Variants in CDYL observed in about 807,000 individuals in gnomAD.
CDYL encodes the protein chromodomain Y like.
CDYL carries 8 observed loss-of-function variants against 47.3 expected under a neutral mutation model. The ratio of observed to expected loss-of-function variants is 0.17; its 90% CI spans 0.10 to 0.31. CDYL has a LOEUF of 0.31. Ranked by LOEUF, CDYL falls within the 10% of genes least tolerant of loss-of-function variation. The probability of loss-of-function intolerance (pLI) is 1.00; values close to 1 mark genes in which losing one functional copy is unlikely to be tolerated. For missense variants in CDYL, 471 were observed against 701.4 expected (o/e 0.67, Z 3.71); for synonymous variants, 266 against 265.0 (o/e 1.00, Z -0.04).
intron 1 of CDYL, among the ~76,000 whole-genome samples, chr6:4,886,238 C>T (rs1761896293): frequency 6.6e-6 from 1 of 152,150 alleles, no homozygotes; most frequent in Admixed American, 6.5e-5. Context: ...GACAGGTTTT[C>T]TTTCTGTTGG....
intron 1 of CDYL, among the ~76,000 whole-genome samples, chr6:4,831,184 T>C (rs529091278): frequency 1.3e-5 from 2 of 152,170 alleles, no homozygotes; most frequent in African/African-American, 4.8e-5. Flanking sequence ...AATGCCTAGG[T>C]TTTCTTCTAG....
intron 5 of CDYL, among the ~76,000 whole-genome samples, chr6:4,945,315 C>T (rs1360996293): frequency 6.6e-6 from 1 of 152,132 alleles, no homozygotes; most frequent in Non-Finnish European, 1.5e-5. Context: ...TGCATCTAAA[C>T]GTACTTGAAA....
chr6:4,833,625 C>T (rs1760210599), intron 1 of CDYL, among the ~76,000 whole-genome samples: 2 of 149,760 alleles, frequency 1.3e-5, no homozygotes, highest in South Asian at 4.2e-4. Context: ...TCCTGGGTAT[C>T]CTTGTTGACT....
chr6:4,806,791 T>G (rs1216384554), intron 1 of CDYL, among the ~76,000 whole-genome samples: 1 of 152,216 alleles, frequency 6.6e-6, no homozygotes, highest in Non-Finnish European at 1.5e-5. Flanking sequence ...TCTGTCAGGT[T>G]AGTACATTTT....
At chr6:4,724,311 A>C (rs1012179818) in intron 2 of CDYL, 4 of 151,836 alleles carry the variant, frequency 2.6e-5, no homozygotes, top group African/African-American at 9.7e-5. Context: ...TTGGCCTCCC[A>C]ACGTGATGGG....
chr6:4,905,309 C>A (rs925108063), intron 2 of CDYL, among the ~76,000 whole-genome samples: 1 of 152,174 alleles, frequency 6.6e-6, no homozygotes, highest in African/African-American at 2.4e-5. Flanking sequence ...TGGTCTTTGA[C>A]ACTCCGTCAA....
chr6:4,825,148 G>T (rs1759945651), intron 1 of CDYL, among the ~76,000 whole-genome samples: 1 of 152,180 alleles, frequency 6.6e-6, no homozygotes, highest in African/African-American at 2.4e-5. Flanking sequence ...TGGGATTTCA[G>T]GCATGAATCA....
chr6:4,843,473 C>T (rs901838806), intron 1 of CDYL, among the ~76,000 whole-genome samples: 3 of 149,720 alleles, frequency 2.0e-5, no homozygotes, highest in African/African-American at 7.3e-5. Context: ...TAGGATTGGC[C>T]ATTTAACATA....
chr6:4,891,705 A>G lies in CDYL; in HGVS notation c.25-8A>G. On this transcript the variant is annotated splice_polypyrimidine_tract_variant and splice_region_variant and intron_variant, in intron 1 of 6. Coordinates refer to ENST00000397588, the MANE Select transcript of CDYL (RefSeq NM_004824.4). ...TTTTTAAAACTATTTTTTTCCTTTTATGAACAGGTTGAAAGGATTGTTGAC... is the reference window on the plus strand; with the variant it reads ...TTTTTAAAACTATTTTTTTCCTTTTGTGAACAGGTTGAAAGGATTGTTGAC... 4 of 1,586,982 alleles carry G rather than the reference A, an allele frequency of 2.5e-6. No individual in the cohort carries two copies. The highest frequency in any genetic ancestry group is 3.4e-6 in the Non-Finnish European group (4 of 1,168,016).
At chr6:4,882,914 A>T (rs948276867) in intron 1 of CDYL, among the ~76,000 whole-genome samples, 2 of 152,172 alleles carry the variant, frequency 1.3e-5, no homozygotes, top group African/African-American at 4.8e-5. Context: ...GTTGACGTAC[A>T]TTCTTGCCGT....
chr6:4,762,154 T>C (rs1758184705), intron 3 of CDYL, among the ~76,000 whole-genome samples: 3 of 152,204 alleles, frequency 2.0e-5, no homozygotes, highest in Admixed American at 2.0e-4. Flanking sequence ...GTGGATGAAC[T>C]CTTCTCACAC....
In CDYL at chr6:4,895,317, G is replaced by A. The variant is rs200228543; in HGVS notation, c.691+2938G>A. On this transcript the variant is annotated intron_variant, in intron 2 of 6. Coordinates refer to ENST00000397588, the MANE Select transcript of CDYL (RefSeq NM_004824.4). ...CATGTATGTATATATGTGCATATATGCATGTATGTATATATGTGCATATAT... is the reference window on the plus strand; with the variant it reads ...CATGTATGTATATATGTGCATATATACATGTATGTATATATGTGCATATAT... 8.2e-4 allele frequency among the ~76,000 whole-genome samples: 97 copies of A among 117,594 alleles called. 7 individuals are homozygous for A. The highest frequency in any genetic ancestry group is 4.2e-3 in the African/African-American group (96 of 22,816). 77.1% of individuals were successfully genotyped at this position (117,594 alleles called of 152,430 possible).
In CDYL at chr6:4,752,924, AT is replaced by A. The variant is rs546399830; in HGVS notation, c.186+18091del. Among the ~76,000 whole-genome samples, 1,049 of 147,374 alleles carry A rather than the reference AT, an allele frequency of 7.1e-3. 15 individuals carry two copies. The highest frequency in any genetic ancestry group is 0.025 in the African/African-American group (997 of 39,762). ...TGTAGGTAGGTAGATAGATAGATAG[AT>A]TTTTTTTTTTAAGACAGCATCTCAC... On this transcript the variant is annotated intron_variant, in intron 3 of 8. Coordinates refer to the CDYL transcript ENST00000328908.
intron 1 of CDYL, among the ~76,000 whole-genome samples, chr6:4,811,566 A>T (rs1262103564): frequency 1.3e-5 from 2 of 151,992 alleles, no homozygotes; most frequent in East Asian, 3.8e-4. Context: ...ATGGGTTTTT[A>T]AAAACTAGCT....
At chr6:4,952,166 T>C in intron 5 of CDYL, 100 bp from the exon 6 acceptor site, 1 of 1,378,778 alleles carries the variant, frequency 7.3e-7, no homozygotes, top group Non-Finnish European at 9.8e-7. Context: ...GCGGGGCTGG[T>C]ATTTGTGAAT....
chr6:4,790,326 A>T (rs959470005), intron 1 of CDYL, among the ~76,000 whole-genome samples: 5 of 152,244 alleles, frequency 3.3e-5, no homozygotes, highest in Non-Finnish European at 5.9e-5. Context: ...GACCTTTTGC[A>T]TGCTGTATAA....
At chr6:4,862,362 A>G (rs1254817283) in intron 1 of CDYL, among the ~76,000 whole-genome samples, 2 of 152,170 alleles carry the variant, frequency 1.3e-5, no homozygotes, top group South Asian at 2.1e-4. Context: ...TTAAGCCTAT[A>G]AAGTAGGCTT....
rs201939159 is a variant in CDYL at position 4,778,400 on chromosome 6, G to A, written c.24+1593G>A. Among the ~76,000 whole-genome samples the A allele has an allele frequency of 1.6e-4, 24 of 152,312 alleles. 1 individual carries two copies. In the South Asian group the frequency reaches 2.7e-3, roughly 17 times the overall value. On this transcript the variant is annotated intron_variant, in intron 1 of 6. Coordinates refer to ENST00000397588, the MANE Select transcript of CDYL (RefSeq NM_004824.4). Reference sequence around the variant, plus strand: ...TCTGAAGACAGCACATTTCCCATTAGTATATTATGAACTAAGTTTAGTTCC... The same window carrying A: ...TCTGAAGACAGCACATTTCCCATTAATATATTATGAACTAAGTTTAGTTCC...
At chr6:4,785,762 T>C (rs1758739193) in intron 1 of CDYL, among the ~76,000 whole-genome samples, 1 of 152,260 alleles carries the variant, frequency 6.6e-6, no homozygotes, top group Admixed American at 6.5e-5. Flanking sequence ...AGGCATTATG[T>C]ACTTGGACTT....
Sources: allele counts gnomAD v4.1 joint callset (sites outside exome capture counted in the v4.1 genomes callset), GRCh38; gene constraint gnomAD v4.1.1; transcripts MANE v1.5; gene names NCBI Gene and HGNC (gene_info 2026-07-23, HGNC 2026-07-21).